ALDH2: variants seen among roughly 807,000 people sequenced by gnomAD.
The protein encoded by ALDH2 is aldehyde dehydrogenase, mitochondrial.
ALDH2 carries 44 observed loss-of-function variants against 59.6 expected under a neutral mutation model. The ratio of observed to expected loss-of-function variants is 0.74; its 90% CI spans 0.58 to 0.95. The LOEUF is 0.95. Ranked by LOEUF, ALDH2 falls within the 40% of genes least tolerant of loss-of-function variation. ALDH2 has a pLI of 0.00. For missense variants in ALDH2, 570 were observed against 696.3 expected, an observed-to-expected ratio of 0.82 and a Z score of 2.04; for synonymous variants, 291 against 284.0, an observed-to-expected ratio of 1.02 and a Z score of -0.25.
Position 111,813,321 on chromosome 12 carries a change from G to A in ALDH2, c.*3746G>A, listed in dbSNP as rs1490650464. The A allele has an allele frequency of 6.6e-6, 1 of 152,150 alleles. No individual in the cohort carries two copies. Among genetic ancestry groups the A allele is most frequent in the African/African-American group, 2.4e-5 (1 of 41,412 alleles). 9.4% of individuals were successfully genotyped at this position (152,150 alleles called of 1,614,324 possible). On this transcript the variant is annotated 3_prime_UTR_variant, in exon 13 of 13. Coordinates refer to ENST00000261733, the MANE Select transcript of ALDH2 (RefSeq NM_000690.4). ...TCCTAAGTGTGGGCGCCACCTTGTG[G>A]GACATACATTGAACTACGACGCTAT...
chr12:111,777,628 G>A (rs779988687), intron 1 of ALDH2, among the ~76,000 whole-genome samples: 4 of 152,134 alleles, frequency 2.6e-5, no homozygotes, highest in Non-Finnish European at 4.4e-5. Flanking sequence ...CCATCTTCCA[G>A]CAGGCAGACC....
Position 111,816,555 on chromosome 12 carries a change from A to C in ALDH2, c.*6980A>C, listed in dbSNP as rs1376647313. The C allele has an allele frequency of 6.6e-6, 1 of 152,214 alleles. No homozygotes were observed. Among genetic ancestry groups the C allele is most frequent in the African/African-American group, 2.4e-5 (1 of 41,452 alleles). 9.4% of individuals were successfully genotyped at this position (152,214 alleles called of 1,614,324 possible). On this transcript the variant is annotated 3_prime_UTR_variant, in exon 13 of 13. Coordinates refer to ENST00000261733, the MANE Select transcript of ALDH2 (RefSeq NM_000690.4). ...TGTTTGATCATATAGCCTCAGTGGA[A>C]TGCTGAGTTGGTCACAACCCATGGG...
At chr12:111,779,002 G>A (rs1301286320) in intron 1 of ALDH2, among the ~76,000 whole-genome samples, 1 of 151,610 alleles carries the variant, frequency 6.6e-6, no homozygotes, top group African/African-American at 2.4e-5. Context: ...GAGACTATAG[G>A]CACGCAACCA....
rs938464121 is a variant in ALDH2 at position 111,816,732 on chromosome 12, A to C, written c.*7157A>C. The C allele has an allele frequency of 9.2e-5, 14 of 152,224 alleles. No individual in the cohort carries two copies. Among genetic ancestry groups the C allele is most frequent in the African/African-American group, 3.4e-4 (14 of 41,466 alleles). 9.4% of individuals were successfully genotyped at this position (152,224 alleles called of 1,614,324 possible). ...GAGACAAAACAACATTATTCCAAGGACTACATATAAGATGTTAATGTGGTG... is the reference window on the plus strand; with the variant it reads ...GAGACAAAACAACATTATTCCAAGGCCTACATATAAGATGTTAATGTGGTG... On this transcript the variant is annotated 3_prime_UTR_variant, in exon 13 of 13. Transcript: ENST00000261733.
At position 111,768,467 on chromosome 12, in the gene ALDH2, C is replaced by T. The variant is rs564078391; in HGVS notation, c.114+1371C>T. ...GGATAAAATAAAATCTTTTGCATAACACAAGCTAAAAAGGCAGCAGCTATG... is the reference window on the plus strand; with the variant it reads ...GGATAAAATAAAATCTTTTGCATAATACAAGCTAAAAAGGCAGCAGCTATG... On this transcript the variant is annotated intron_variant, in intron 1 of 12. Coordinates refer to ENST00000261733, the MANE Select transcript of ALDH2 (RefSeq NM_000690.4). Among the ~76,000 whole-genome samples, 25 of 152,350 alleles carry T rather than the reference C, an allele frequency of 1.6e-4. No homozygotes were observed. The South Asian group carries it at 4.8e-3, about 29-fold the overall frequency.
rs1359383446 is a variant in ALDH2, at chr12:111,816,202, A to G, written c.*6627A>G. 1 of 152,164 alleles carries G rather than the reference A, an allele frequency of 6.6e-6. No homozygotes were observed. Among genetic ancestry groups the G allele is most frequent in the East Asian group, 1.9e-4 (1 of 5,190 alleles). The allele number at this position is 152,164 out of a possible 1,614,324, so 9.4% of individuals were successfully genotyped here. A position where few individuals can be genotyped will look rare whatever the true frequency, so the allele number is the denominator to read the frequency against. ...CTGTTGGACTGAACAAAAGGGGACG[A>G]ACACAGCAATAAAGATAAAGACCAA... On this transcript the variant is annotated 3_prime_UTR_variant, in exon 13 of 13. Coordinates refer to ENST00000261733, the MANE Select transcript of ALDH2 (RefSeq NM_000690.4).
At chr12:111,803,308 A>G (rs1306857493) in intron 11 of ALDH2, among the ~76,000 whole-genome samples, 1 of 151,738 alleles carries the variant, frequency 6.6e-6, no homozygotes, top group Non-Finnish European at 1.5e-5. Context: ...AGAAAAGAAA[A>G]GAAAGCCATC....
At chr12:111,800,338 C>T (rs1442169772) in intron 11 of ALDH2, among the ~76,000 whole-genome samples, 2 of 152,252 alleles carry the variant, frequency 1.3e-5, no homozygotes, top group East Asian at 1.9e-4. Context: ...CAGAGGGACC[C>T]ATGATTGTGA....
rs1331052718 is a variant in ALDH2, at chr12:111,809,916, A to G, written c.*341A>G. Reference sequence around the variant, plus strand: ...TATTGTTTACAATTATATCACCATTAAGGCAACTGCTACACCCTGCTTTGT... The same window carrying G: ...TATTGTTTACAATTATATCACCATTGAGGCAACTGCTACACCCTGCTTTGT... On this transcript the variant is annotated 3_prime_UTR_variant, in exon 13 of 13. Transcript: ENST00000261733. The G allele has an allele frequency of 2.6e-6, 1 of 390,134 alleles. No homozygotes were observed. The highest frequency in any genetic ancestry group is 4.8e-5 in the East Asian group (1 of 20,920). The allele number at this position is 390,134 out of a possible 1,614,324, so 24.2% of individuals were successfully genotyped here.
At chr12:111,776,284 T>C (rs2068234095) in intron 1 of ALDH2, among the ~76,000 whole-genome samples, 1 of 152,234 alleles carries the variant, frequency 6.6e-6, no homozygotes, top group Admixed American at 6.5e-5. Context: ...TAAGAATCTT[T>C]AAGCTACGAG....
At chr12:111,782,341 G>A (rs1053611776) in intron 2 of ALDH2, among the ~76,000 whole-genome samples, 3 of 152,194 alleles carry the variant, frequency 2.0e-5, no homozygotes, top group Middle Eastern at 3.2e-3. Context: ...CTCCTGTGGA[G>A]GTTTGAATTG....
chr12:111,811,314 A>G lies in ALDH2; in HGVS notation c.*1739A>G, dbSNP rs1382662897. ...CAGTGAGCCAAGATTGCTCCATTGT[A>G]CTCCAGCCTGGGCAACAAGAGAGAA... On this transcript the variant is annotated 3_prime_UTR_variant, in exon 13 of 13. Coordinates refer to ENST00000261733, the MANE Select transcript of ALDH2 (RefSeq NM_000690.4). 1 of 151,642 alleles carries G rather than the reference A, an allele frequency of 6.6e-6. No homozygotes were observed. Among genetic ancestry groups the G allele is most frequent in the East Asian group, 2.0e-4 (1 of 5,090 alleles). The allele number at this position is 151,642 out of a possible 1,614,324, so 9.4% of individuals were successfully genotyped here. A position where few individuals can be genotyped will look rare whatever the true frequency, so the allele number is the denominator to read the frequency against.
Position 111,803,175 on chromosome 12 carries a change from A to G in ALDH2, c.1407-684A>G, listed in dbSNP as rs529048246. 3.3e-5 allele frequency among the ~76,000 whole-genome samples: 5 copies of G among 151,742 alleles called. No homozygotes were observed. In the East Asian group the frequency reaches 9.6e-4, roughly 29 times the overall value. ...ACTCCAGCCTGGGCAACAGAGTGAA[A>G]CTCCATCTCAAAAAATAATCTCAAA... is the stretch of plus-strand genomic sequence containing the variant. On this transcript the variant is annotated intron_variant, in intron 11 of 12. Coordinates refer to ENST00000261733, the MANE Select transcript of ALDH2 (RefSeq NM_000690.4).
chr12:111,805,522 A>G (rs1320061255), intron 12 of ALDH2, among the ~76,000 whole-genome samples: 1 of 152,118 alleles, frequency 6.6e-6, no homozygotes, highest in Non-Finnish European at 1.5e-5. Flanking sequence ...ATGGGGTCTC[A>G]CTATGTTACC....
intron 1 of ALDH2, among the ~76,000 whole-genome samples, chr12:111,778,315 T>G (rs1009624391): frequency 6.7e-6 from 1 of 150,182 alleles, no homozygotes; most frequent in African/African-American, 2.5e-5. Flanking sequence ...GAGGCCGAGG[T>G]GAGTGGATCA....
chr12:111,779,284 C>T (rs558668011), intron 1 of ALDH2, among the ~76,000 whole-genome samples: 216 of 152,284 alleles, frequency 1.4e-3, no homozygotes, highest in Non-Finnish European at 2.2e-3. Flanking sequence ...CTCCCAGACT[C>T]AAGCAAGTGA....
At chr12:111,779,119 T>C (rs1458753089) in intron 1 of ALDH2, among the ~76,000 whole-genome samples, 1 of 151,298 alleles carries the variant, frequency 6.6e-6, no homozygotes, top group Non-Finnish European at 1.5e-5. Context: ...GCCTCCCAAA[T>C]TGTTAGGATT....
At position 111,815,136 on chromosome 12, in the gene ALDH2, A is replaced by C. The variant is rs1026010283; in HGVS notation, c.*5561A>C. The C allele has an allele frequency of 2.0e-5, 3 of 152,222 alleles. No homozygotes were observed. Among genetic ancestry groups the C allele is most frequent in the African/African-American group, 7.2e-5 (3 of 41,460 alleles). The allele number at this position is 152,222 out of a possible 1,614,324, so 9.4% of individuals were successfully genotyped here. On this transcript the variant is annotated 3_prime_UTR_variant, in exon 13 of 13. Transcript: ENST00000261733. ...TGATGCCCAATCCTGTGGCCCCAAG[A>C]AGTATTAACTGTGCACCCACTACAT... is the stretch of plus-strand genomic sequence containing the variant.
At chr12:111,792,246 C>T (rs1346633667) in intron 8 of ALDH2, 83 bp downstream of exon 8, 5 of 1,083,238 alleles carry the variant, frequency 4.6e-6, no homozygotes, top group Non-Finnish European at 6.9e-6. Flanking sequence ...CTGTCGCCCC[C>T]CCAGTGCCCA....
Sources: allele counts gnomAD v4.1 joint callset (sites outside exome capture counted in the v4.1 genomes callset), GRCh38; gene constraint gnomAD v4.1.1; transcripts MANE v1.5; gene names NCBI Gene and HGNC (gene_info 2026-07-23, HGNC 2026-07-21).